The following KRT76 variants were observed in gnomAD, a reference collection of about 807,000 sequenced individuals.
KRT76 encodes keratin 76.
In KRT76, 47 loss-of-function variants were observed where a neutral mutation model predicts 44.9. The ratio of observed to expected loss-of-function variants is 1.05; its 90% CI spans 0.83 to 1.33. KRT76 has a LOEUF of 1.33. KRT76 is among the 40% of genes most tolerant of loss of function. KRT76 has a pLI of 0.00. For missense variants in KRT76, 860 were observed against 775.8 expected (o/e 1.11, Z -1.29); for synonymous variants, 331 against 294.1 (o/e 1.13, Z -1.28).
chr12:52,768,909 C>G lies in KRT76; in HGVS notation c.1721G>C (p.Gly574Ala), dbSNP rs1038050569. 2 of 1,604,300 alleles carry G rather than the reference C, an allele frequency of 1.2e-6. No homozygotes were observed. The highest frequency in any genetic ancestry group is 1.3e-5 in the African/African-American group (1 of 74,710). Residue 574 changes from glycine to alanine, a missense_variant, in exon 9 of 9, where the codon GGG becomes GCG. Physicochemically the swap from Gly to Ala is moderately conservative, Grantham distance 60 (BLOSUM62 0). Transcript: ENST00000332411. ...SGSTGGRGSS[G>A]SYQSSSSGSR... ...CCCACTACTGCTGCTCTGGTAGCTC[C>G]CGCTGCTACCCCTGCCCCCAGTGCT...
At chr12:52,775,727 A>G (rs1592295266) in intron 1 of KRT76, 125 bp from the exon 2 acceptor site, 2 of 717,944 alleles carry the variant, frequency 2.8e-6, no homozygotes, top group East Asian at 2.6e-5. Flanking sequence ...CTGTTTTTTA[A>G]TTTGGGAAGG....
intron 6 of KRT76, among the ~76,000 whole-genome samples, chr12:52,771,667 A>G (rs563618621): frequency 1.3e-5 from 2 of 152,238 alleles, no homozygotes; most frequent in Non-Finnish European, 2.9e-5. Context: ...TAGAATAAAC[A>G]AACATCTTTC....
Position 52,771,363 on chromosome 12 carries a change from GT to G in KRT76, c.1264-145del, listed in dbSNP as rs563252347. 7.9e-4 allele frequency: 634 copies of G among 801,438 alleles called. 3 individuals carry two copies. In the African/African-American group the frequency reaches 0.01, roughly 13 times the overall value. The allele number at this position is 801,438 out of a possible 1,614,324, so 49.6% of individuals were successfully genotyped here. ...GAGCATGCTCAGAGAAAAGAAGTCA[GT>G]TTTGCAGTTGGTTAATTCATCTTTG... On this transcript the variant is annotated intron_variant, in intron 6 of 8. Transcript: ENST00000332411.
chr12:52,768,976 T>C lies in KRT76; in HGVS notation c.1654A>G (p.Ser552Gly), dbSNP rs1450896960. Residue 552 changes from serine to glycine, a missense_variant, in exon 9 of 9, where the codon AGT becomes GGT. Transcript: ENST00000332411. ...CCATAGCCACTGCCGCTGCCGCCAC[T>C]GACTCCATAGCCACTGCTGCTGCTG... is the stretch of plus-strand genomic sequence containing the variant. ...SSSSSSGYGV[S>G]GGSGSGYGGV... 2 of 1,162,724 alleles carry C rather than the reference T, an allele frequency of 1.7e-6. No homozygotes were observed. The highest frequency in any genetic ancestry group is 2.6e-5 in the South Asian group (2 of 78,244). 72.0% of individuals were successfully genotyped at this position (1,162,724 alleles called of 1,614,324 possible). A position where few individuals can be genotyped will look rare whatever the true frequency, so the allele number is the denominator to read the frequency against.
At chr12:52,773,289 G>A (rs1939213404) in intron 3 of KRT76, among the ~76,000 whole-genome samples, 1 of 152,124 alleles carries the variant, frequency 6.6e-6, no homozygotes, top group African/African-American at 2.4e-5. Flanking sequence ...ATAGCATCTG[G>A]AGTACATTTG....
At chr12:52,772,656 G>A (rs1017418692) in intron 4 of KRT76, 127 bp downstream of exon 4, 2 of 722,368 alleles carry the variant, frequency 2.8e-6, no homozygotes, top group Non-Finnish European at 2.5e-6. Context: ...TTTCCCAGGT[G>A]GGGTGGAGCT....
chr12:52,773,242 G>C (rs1254737298), intron 3 of KRT76, among the ~76,000 whole-genome samples: 1 of 152,134 alleles, frequency 6.6e-6, no homozygotes, highest in Non-Finnish European at 1.5e-5. Context: ...ACGATGACTG[G>C]TTTAAATATG....
In KRT76 at chr12:52,768,726, C is replaced by A. The variant is rs1276334195; in HGVS notation, c.1904G>T (p.Ser635Ile). The A allele has an allele frequency of 6.3e-7, 1 of 1,594,464 alleles. No individual in the cohort carries two copies. Among genetic ancestry groups the A allele is most frequent in the Admixed American group, 1.7e-5 (1 of 59,608 alleles). The change falls in exon 9 of 9, where the codon AGC becomes ATC. Residue 635 changes from serine to isoleucine, a missense_variant. By Grantham distance (142) the Ser-to-Ile change is moderately radical. Transcript: ENST00000332411. The stretch of plus-strand genomic sequence containing the variant: ...TGGAACAGTAGATCACTTGGTGGAG[C>A]TATGCTGGCTTGAGCTCGTGGTCTG... ...FSQTTSSSQH[S>I]STK
chr12:52,773,150 T>C (rs1939211662), intron 3 of KRT76, among the ~76,000 whole-genome samples: 1 of 152,208 alleles, frequency 6.6e-6, no homozygotes, highest in Admixed American at 6.5e-5. Context: ...ATTTACCTAA[T>C]ATGTATGTGA....
At chr12:52,772,394 G>T in intron 4 of KRT76, 136 bp from the exon 5 acceptor site, 2 of 792,472 alleles carry the variant, frequency 2.5e-6, no homozygotes, top group Non-Finnish European at 3.9e-6. Context: ...TTTAGGCCTG[G>T]CTACAGCCTA....
intron 1 of KRT76, 24 bp from the exon 2 acceptor site, chr12:52,775,626 G>T (rs1384925322): frequency 6.2e-7 from 1 of 1,603,128 alleles, no homozygotes; most frequent in East Asian, 2.2e-5. Context: ...GGGAGAAAAG[G>T]AGTCAGCCCC....
At chr12:52,773,518 C>A in intron 3 of KRT76, 64 bp downstream of exon 3, 2 of 1,186,366 alleles carry the variant, frequency 1.7e-6, no homozygotes. Flanking sequence ...GCTGGCTGTG[C>A]ACTCTCTCCA....
chr12:52,770,901 T>C (rs1042434942), intron 7 of KRT76, 98 bp downstream of exon 7: 28 of 1,498,562 alleles, frequency 1.9e-5, no homozygotes, highest in Non-Finnish European at 2.2e-5. Flanking sequence ...TTGCCCTTTG[T>C]CTTAGTGTTC....
chr12:52,774,234 C>T (rs1939228185), intron 2 of KRT76, among the ~76,000 whole-genome samples: 1 of 152,204 alleles, frequency 6.6e-6, no homozygotes, highest in Non-Finnish European at 1.5e-5. Flanking sequence ...CTGCCTGGCC[C>T]TCTTCCCTCT....
chr12:52,770,731 C>T (rs541057115), intron 7 of KRT76, among the ~76,000 whole-genome samples: 11 of 152,262 alleles, frequency 7.2e-5, no homozygotes, highest in African/African-American at 2.2e-4. Context: ...TATCACTTGT[C>T]ATAATGCCAA....
Position 52,768,779 on chromosome 12 carries a change from A to G in KRT76, c.1851T>C (p.Gly617=), listed in dbSNP as rs771513736. 1.2e-6 allele frequency: 2 copies of G among 1,613,038 alleles called. No homozygotes were observed. The highest frequency in any genetic ancestry group is 8.5e-7 in the Non-Finnish European group (1 of 1,179,120). The change falls in exon 9 of 9, where the codon GGT becomes GGC. Residue 617 remains glycine, a synonymous_variant. Transcript: ENST00000332411. ...TSGGSGYKSG[G]GGSTSIRFSQ... ...AGAAGCGGATACTGGTGCTGCCTCC[A>G]CCACCAGACTTGTAGCCACTTCCTC... is the stretch of plus-strand genomic sequence containing the variant.
intron 2 of KRT76, among the ~76,000 whole-genome samples, chr12:52,774,971 T>G (rs1352947187): frequency 6.6e-6 from 1 of 151,988 alleles, no homozygotes; most frequent in African/African-American, 2.4e-5. Context: ...CTGCCTAGAA[T>G]CCCCAGGAGC....
intron 6 of KRT76, 46 bp downstream of exon 6, chr12:52,771,825 G>C: frequency 6.3e-7 from 1 of 1,589,174 alleles, no homozygotes; most frequent in East Asian, 2.2e-5. Flanking sequence ...GCTTCTCTCC[G>C]GGGCCCAGAA....
rs140231882 is a variant in KRT76, at chr12:52,776,954, C to T, written c.338G>A (p.Gly113Asp). 2.5e-5 allele frequency: 40 copies of T among 1,613,870 alleles called. No homozygotes were observed. The African/African-American group carries it at 5.1e-4, about 20-fold the overall frequency. Residue 113 changes from glycine to aspartate, a missense_variant, in exon 1 of 9, where the codon GGT (glycine) becomes GAT (aspartate). Physicochemically the swap from Gly to Asp is moderately conservative, Grantham distance 94 (BLOSUM62 -1). Transcript: ENST00000332411. ...GGGFGGGRGV[G>D]SGFGGAGGFG... Reference sequence around the variant, plus strand: ...GCCACCAGCCCCTCCAAAACCACTACCTACTCCTCTGCCACCACCAAAGCC... The same window carrying T: ...GCCACCAGCCCCTCCAAAACCACTATCTACTCCTCTGCCACCACCAAAGCC...
Sources: gnomAD v4.1 joint callset for allele counts (sites outside exome capture counted in the v4.1 genomes callset) on GRCh38, gnomAD v4.1.1 for gene constraint, MANE v1.5 for transcripts, NCBI Gene and HGNC (gene_info 2026-07-23, HGNC 2026-07-21) for gene names.